The following RPS6KA2 variants were observed in gnomAD, a reference collection of about 807,000 sequenced individuals.
The protein encoded by RPS6KA2 is ribosomal protein S6 kinase A2.
Under a neutral mutation model 91.8 loss-of-function variants are expected in RPS6KA2, and 42 were observed. That is an observed-to-expected ratio of 0.46 (90% CI 0.36 to 0.59). The LOEUF is 0.59. Among genes scored for constraint, RPS6KA2 ranks in the 20% least tolerant of loss-of-function variants. RPS6KA2 has a pLI of 0.00. For synonymous variants in RPS6KA2, 414 were observed against 393.6 expected (o/e 1.05, Z -0.61); for missense variants, 798 against 978.5 (o/e 0.82, Z 2.46).
chr6:166,859,017 G>GCAAA, intron 1 of RPS6KA2, among the ~76,000 whole-genome samples: 1 of 80,796 alleles, frequency 1.2e-5, no homozygotes, highest in Admixed American at 1.4e-4. Context: ...CAGCAGACAC[G>GCAAA]GGAGAGCTCC....
intron 2 of RPS6KA2, among the ~76,000 whole-genome samples, chr6:166,796,279 T>C (rs845647): frequency 0.8 from 121,156 of 152,124 alleles, 48,550 homozygotes; most frequent in East Asian, 0.98. Context: ...TTCTTATCTC[T>C]CATATGGCCC....
chr6:166,457,945 C>T (rs1780156518), intron 12 of RPS6KA2, among the ~76,000 whole-genome samples: 1 of 152,132 alleles, frequency 6.6e-6, no homozygotes, highest in South Asian at 2.1e-4. Flanking sequence ...CAGTGAATCC[C>T]CGTAGATCCA....
chr6:166,425,613 A>T (rs1386599241), intron 16 of RPS6KA2, among the ~76,000 whole-genome samples: 1 of 152,190 alleles, frequency 6.6e-6, no homozygotes, highest in Non-Finnish European at 1.5e-5. Context: ...AAGATCTACC[A>T]AGCAAATGGA....
chr6:166,709,356 GT>G (rs376298507), intron 2 of RPS6KA2, among the ~76,000 whole-genome samples: 82 of 149,678 alleles, frequency 5.5e-4, no homozygotes, highest in African/African-American at 1.9e-3. Context: ...GGCTGAGTAA[GT>G]TGGCTCACGC....
chr6:166,439,305 G>C (rs770395726), intron 14 of RPS6KA2, among the ~76,000 whole-genome samples: 64 of 152,204 alleles, frequency 4.2e-4, no homozygotes, highest in African/African-American at 1.4e-3. Flanking sequence ...ACGGGGCTTC[G>C]CCATGTTGGC....
At chr6:166,584,102 T>C (rs995582002) in intron 1 of RPS6KA2, among the ~76,000 whole-genome samples, 3 of 152,230 alleles carry the variant, frequency 2.0e-5, no homozygotes, top group East Asian at 3.8e-4. Flanking sequence ...CAAAGTACTA[T>C]GGATTGGGTG....
chr6:166,811,999 T>C (rs1307628187), intron 2 of RPS6KA2, among the ~76,000 whole-genome samples: 2 of 152,222 alleles, frequency 1.3e-5, no homozygotes, highest in African/African-American at 4.8e-5. Flanking sequence ...AGATTTTAAA[T>C]GAGTCCGGGG....
At chr6:166,763,369 C>T (rs961611386) in intron 2 of RPS6KA2, among the ~76,000 whole-genome samples, 4 of 152,192 alleles carry the variant, frequency 2.6e-5, no homozygotes, top group South Asian at 2.1e-4. Context: ...GACCCTAAAG[C>T]CACATGGCTC....
chr6:166,551,882 C>A (rs1429919106), intron 1 of RPS6KA2, among the ~76,000 whole-genome samples: 2 of 152,216 alleles, frequency 1.3e-5, no homozygotes, highest in Non-Finnish European at 2.9e-5. Flanking sequence ...ATATGAGCTA[C>A]AAATTACGGA....
At chr6:166,484,410 T>C (rs1386232119) in intron 10 of RPS6KA2, among the ~76,000 whole-genome samples, 1 of 152,198 alleles carries the variant, frequency 6.6e-6, no homozygotes, top group Non-Finnish European at 1.5e-5. Context: ...CAACCACAGA[T>C]GCTTGTTCTC....
At chr6:166,682,157 G>A (rs1165025524) in intron 2 of RPS6KA2, among the ~76,000 whole-genome samples, 1 of 152,110 alleles carries the variant, frequency 6.6e-6, no homozygotes, top group Non-Finnish European at 1.5e-5. Flanking sequence ...ATAAACTTCC[G>A]CTTGAAAATT....
intron 2 of RPS6KA2, among the ~76,000 whole-genome samples, chr6:166,789,255 T>C (rs969423344): frequency 2.0e-5 from 3 of 152,252 alleles, no homozygotes; most frequent in African/African-American, 7.2e-5. Context: ...GGAGTCTCGC[T>C]GATTGCTAGC....
chr6:166,701,803 C>T (rs1268345441), intron 2 of RPS6KA2: 3 of 943,570 alleles, frequency 3.2e-6, no homozygotes, highest in Non-Finnish European at 5.1e-6. Context: ...TCTTCATGAT[C>T]TCTTCCTCAG....
chr6:166,475,056 C>T (rs1031871381), intron 10 of RPS6KA2, among the ~76,000 whole-genome samples: 5 of 152,112 alleles, frequency 3.3e-5, no homozygotes, highest in East Asian at 1.9e-4. Context: ...TCAGAGTCAC[C>T]GAGTCCTCCA....
At chr6:166,693,845 A>C (rs1316716132) in intron 2 of RPS6KA2, among the ~76,000 whole-genome samples, 2 of 152,126 alleles carry the variant, frequency 1.3e-5, no homozygotes, top group Middle Eastern at 3.2e-3. Flanking sequence ...TCCACTCACC[A>C]AGCTTAGACA....
At chr6:166,847,122 A>G (rs549793658) in intron 2 of RPS6KA2, among the ~76,000 whole-genome samples, 2 of 152,286 alleles carry the variant, frequency 1.3e-5, no homozygotes, top group Admixed American at 1.3e-4. Flanking sequence ...ACCAACAGTG[A>G]CCAAGCTGAG....
chr6:166,760,658 G>C (rs867482107), intron 2 of RPS6KA2, among the ~76,000 whole-genome samples: 5 of 152,172 alleles, frequency 3.3e-5, no homozygotes, highest in Admixed American at 6.5e-5. Context: ...TGCTGGAATC[G>C]CTTGAAATAG....
intron 2 of RPS6KA2, among the ~76,000 whole-genome samples, chr6:166,739,292 G>A (rs1790747619): frequency 1.3e-5 from 2 of 152,118 alleles, no homozygotes; most frequent in African/African-American, 2.4e-5. Context: ...CAGTGCTAAC[G>A]CTGGAATGCA....
intron 3 of RPS6KA2, among the ~76,000 whole-genome samples, chr6:166,527,159 C>T (rs1382962076): frequency 2.0e-5 from 3 of 152,196 alleles, no homozygotes; most frequent in East Asian, 1.9e-4. Context: ...TGCAGCTTCC[C>T]GCTCCTCCAT....
Sources: allele counts gnomAD v4.1 joint callset (sites outside exome capture counted in the v4.1 genomes callset), GRCh38; gene constraint gnomAD v4.1.1; transcripts MANE v1.5; gene names NCBI Gene and HGNC (gene_info 2026-07-23, HGNC 2026-07-21).